FRMD6: variants seen among roughly 807,000 people sequenced by gnomAD.
FRMD6 encodes FERM domain containing 6, also known as FERM domain-containing protein 6.
In FRMD6, 37 loss-of-function variants were observed where a neutral mutation model predicts 73.2. The observed-to-expected ratio is 0.51, with a 90% confidence interval of 0.39 to 0.66. FRMD6 has a LOEUF of 0.66. FRMD6 is among the 30% of genes least tolerant of loss of function. The pLI, the probability that FRMD6 is intolerant of heterozygous loss-of-function variation, is 0.00. For missense variants in FRMD6, 714 were observed against 780.5 expected, an observed-to-expected ratio of 0.91 and a Z score of 1.02; for synonymous variants, 273 against 282.2, an observed-to-expected ratio of 0.97 and a Z score of 0.33.
intron 9 of FRMD6, chr14:51,714,604 T>C (rs1204826300): frequency 1.3e-5 from 2 of 152,240 alleles, no homozygotes; most frequent in Non-Finnish European, 2.9e-5. Context: ...AGAATGAGAC[T>C]CCTTATATGT....
chr14:51,711,307 A>C (rs1460507560), intron 7 of FRMD6, among the ~76,000 whole-genome samples: 1 of 152,198 alleles, frequency 6.6e-6, no homozygotes, highest in African/African-American at 2.4e-5. Context: ...AAATCTCAGG[A>C]ATTTAAAAAG....
chr14:51,639,009 G>A (rs933791462), intron 2 of FRMD6, among the ~76,000 whole-genome samples: 2 of 151,646 alleles, frequency 1.3e-5, no homozygotes, highest in Non-Finnish European at 2.9e-5. Context: ...TTTGCTGTCC[G>A]AAAATCAGCC....
At chr14:51,546,163 C>T (rs1032935241) in intron 1 of FRMD6, among the ~76,000 whole-genome samples, 1 of 151,858 alleles carries the variant, frequency 6.6e-6, no homozygotes, top group African/African-American at 2.4e-5. Context: ...TTATCTTAGG[C>T]CAAAAAGGGA....
At chr14:51,696,837 G>T (rs1336475099) in intron 2 of FRMD6, among the ~76,000 whole-genome samples, 1 of 151,838 alleles carries the variant, frequency 6.6e-6, no homozygotes, top group African/African-American at 2.4e-5. Context: ...TTTTGGGGTA[G>T]ACTATTAAGA....
the FRMD6 span, among the ~76,000 whole-genome samples, chr14:51,443,596 G>C: frequency 6.6e-6 from 1 of 152,188 alleles, no homozygotes; most frequent in Non-Finnish European, 1.5e-5. Context: ...GGCCTGACCG[G>C]GCTGAAGGTA....
At chr14:51,526,446 T>A (rs1375095050) in intron 1 of FRMD6, among the ~76,000 whole-genome samples, 1 of 152,162 alleles carries the variant, frequency 6.6e-6, no homozygotes, top group South Asian at 2.1e-4. Flanking sequence ...GGAGTTAGAA[T>A]ATAAACATCC....
rs149192990 is a variant in FRMD6 at position 51,728,423 on chromosome 14, C to T, written c.*394C>T. The stretch of plus-strand genomic sequence containing the variant: ...ATTTGTTTGCTTATAAATTTTTTAC[C>T]ACTCCCACATAAAATGCTCATAGTT... On this transcript the variant is annotated 3_prime_UTR_variant, in exon 14 of 14. Coordinates refer to ENST00000344768, the MANE Select transcript of FRMD6 (RefSeq NM_001267046.2). 1.4e-4 allele frequency: 25 copies of T among 178,858 alleles called. No homozygotes were observed. Among genetic ancestry groups the T allele is most frequent in the East Asian group, 7.0e-4 (5 of 7,116 alleles). The allele number at this position is 178,858 out of a possible 1,614,324, so 11.1% of individuals were successfully genotyped here.
At chr14:51,570,012 T>A (rs1199326077) in intron 1 of FRMD6, among the ~76,000 whole-genome samples, 1 of 152,022 alleles carries the variant, frequency 6.6e-6, no homozygotes, top group Non-Finnish European at 1.5e-5. Context: ...AGACGGGGTT[T>A]CACCATGTTA....
At chr14:51,627,837 C>T (rs565607016) in intron 2 of FRMD6, among the ~76,000 whole-genome samples, 2 of 152,312 alleles carry the variant, frequency 1.3e-5, no homozygotes, top group South Asian at 2.1e-4. Context: ...AGTCATCCCT[C>T]CATATCCTTG....
chr14:51,456,449 G>C, the FRMD6 span, among the ~76,000 whole-genome samples: 1 of 152,134 alleles, frequency 6.6e-6, no homozygotes, highest in Non-Finnish European at 1.5e-5. Flanking sequence ...ATGGTTTCTA[G>C]CTTCATCCAT....
upstream of FRMD6, chr14:51,650,777 A>AT (rs947908513): frequency 1.3e-5 from 2 of 152,260 alleles, no homozygotes; most frequent in Admixed American, 1.3e-4. Flanking sequence ...TCCTCATCCC[A>AT]TTTTAAAAGC....
chr14:51,682,722 T>C (rs1261269123), intron 1 of FRMD6, among the ~76,000 whole-genome samples: 1 of 152,194 alleles, frequency 6.6e-6, no homozygotes, highest in Non-Finnish European at 1.5e-5. Flanking sequence ...CAGGCTCATA[T>C]TATTTTCACA....
chr14:51,490,656 T>A (rs1882946318), intron 1 of FRMD6, among the ~76,000 whole-genome samples: 1 of 121,128 alleles, frequency 8.3e-6, no homozygotes, highest in Non-Finnish European at 1.9e-5. Context: ...AAATTTCTTC[T>A]TTAGTAACCT....
At position 51,727,748 on chromosome 14, in the gene FRMD6, A is replaced by G. The variant is rs374799440; in HGVS notation, c.1588A>G (p.Ile530Val). 2.5e-6 allele frequency: 4 copies of G among 1,596,084 alleles called. No homozygotes were observed. The highest frequency in any genetic ancestry group is 3.4e-6 in the Non-Finnish European group (4 of 1,165,282). ...GQSTDSLPQT[I>V]CRKPKTSTDR... ...TCATCCTTCCCTTATCTTGCAGACT[A>G]TATGTCGGAAACCAAAGACCTCCAC... The change falls in exon 14 of 14, where the codon ATA becomes GTA. Residue 530 changes from isoleucine (I) to valine (V), a missense_variant. Transcript: ENST00000344768.
chr14:51,639,491 G>A (rs1321219416), intron 2 of FRMD6, among the ~76,000 whole-genome samples: 1 of 151,972 alleles, frequency 6.6e-6, no homozygotes, highest in Non-Finnish European at 1.5e-5. Context: ...TACTAACTTT[G>A]GGTAACTTGT....
At chr14:51,554,219 AT>A (rs1886995248) in intron 1 of FRMD6, among the ~76,000 whole-genome samples, 1 of 152,214 alleles carries the variant, frequency 6.6e-6, no homozygotes, top group African/African-American at 2.4e-5. Context: ...AAGCATTTGG[AT>A]TATATCTCAA....
chr14:51,465,055 CTTAATA>C, the FRMD6 span, among the ~76,000 whole-genome samples: 1 of 152,010 alleles, frequency 6.6e-6, no homozygotes, highest in East Asian at 1.9e-4. Flanking sequence ...AAGAATGGCT[CTTAATA>C]TCAAAAAAGG....
chr14:51,579,162 T>C (rs1888572109), intron 2 of FRMD6: 1 of 152,082 alleles, frequency 6.6e-6, no homozygotes, highest in Non-Finnish European at 1.5e-5. Flanking sequence ...ATATCCTCAG[T>C]TGAGTTTTCA....
rs1884519055 is a variant in FRMD6, at chr14:51,514,676, T to C, written c.-210+25256T>C. Among the ~76,000 whole-genome samples the C allele has an allele frequency of 4.6e-5, 7 of 152,160 alleles. No individual in the cohort carries two copies. The South Asian group carries it at 1.5e-3, about 32-fold the overall frequency. ...CAGCCTGGTCAATATGATGAAACCC[T>C]GTCTCTACTAAAAACACAAAAATTA... On this transcript the variant is annotated intron_variant, in intron 1 of 14. Transcript: ENST00000356218.
Sources: gnomAD v4.1 joint callset for allele counts (sites outside exome capture counted in the v4.1 genomes callset) on GRCh38, gnomAD v4.1.1 for gene constraint, MANE v1.5 for transcripts, NCBI Gene and HGNC (gene_info 2026-07-23, HGNC 2026-07-21) for gene names.